CDH12: variants seen among roughly 807,000 people sequenced by gnomAD.
CDH12 encodes the protein cadherin 12.
A neutral mutation model predicts 74.1 loss-of-function variants in CDH12; 41 were observed. The observed-to-expected ratio is 0.55, with a 90% CI of 0.43 to 0.72. CDH12 has a LOEUF of 0.72. Ranked by LOEUF, CDH12 falls within the 30% of genes least tolerant of loss-of-function variation. The pLI is 0.00. For missense variants in CDH12, 945 were observed against 977.2 expected, an observed-to-expected ratio of 0.97 and a Z score of 0.44; for synonymous variants, 399 against 355.0, an observed-to-expected ratio of 1.12 and a Z score of -1.39.
At chr5:22,557,515 G>A (rs13357733) in intron 1 of CDH12, among the ~76,000 whole-genome samples, 22,464 of 151,940 alleles carry the variant, frequency 0.15, 2,285 homozygotes, top group East Asian at 0.36. Flanking sequence ...TAAACCAACA[G>A]ACAGAAGGCG....
intron 6 of CDH12, among the ~76,000 whole-genome samples, chr5:21,912,749 C>G (rs1753913462): frequency 6.6e-6 from 1 of 152,076 alleles, no homozygotes; most frequent in Non-Finnish European, 1.5e-5. Context: ...CAGGTAATTT[C>G]TTTATTGTCA....
intron 2 of CDH12, among the ~76,000 whole-genome samples, chr5:22,475,206 T>C (rs1256871113): frequency 1.3e-5 from 2 of 151,810 alleles, no homozygotes; most frequent in East Asian, 1.9e-4. Flanking sequence ...AAAATGCTTA[T>C]AGCATTTCTA....
chr5:21,815,504 A>G (rs918586123), intron 9 of CDH12, among the ~76,000 whole-genome samples: 11 of 152,222 alleles, frequency 7.2e-5, no homozygotes, highest in African/African-American at 2.4e-4. Context: ...AACAAAAGAC[A>G]AAACTACAGA....
At chr5:22,611,179 A>G (rs1003011510) in intron 1 of CDH12, among the ~76,000 whole-genome samples, 3 of 152,138 alleles carry the variant, frequency 2.0e-5, no homozygotes, top group African/African-American at 7.2e-5. Flanking sequence ...TCTAGATATT[A>G]GTATATGGAG....
intron 3 of CDH12, among the ~76,000 whole-genome samples, chr5:22,309,042 A>C (rs917644674): frequency 2.0e-5 from 3 of 152,160 alleles, no homozygotes; most frequent in African/African-American, 4.8e-5. Context: ...CAATTATGCA[A>C]CAAGACAGAA....
chr5:22,529,072 T>C (rs904571076), intron 1 of CDH12, among the ~76,000 whole-genome samples: 1 of 150,964 alleles, frequency 6.6e-6, no homozygotes, highest in Non-Finnish European at 1.5e-5. Context: ...TATGTATATA[T>C]GCATATATAT....
chr5:21,926,427 C>T (rs1265089863), intron 6 of CDH12, among the ~76,000 whole-genome samples: 2 of 152,266 alleles, frequency 1.3e-5, no homozygotes, highest in East Asian at 1.9e-4. Context: ...TAATTTAGTT[C>T]CTGTCTCTCT....
At chr5:22,843,035 TAG>T (rs556389218) in intron 1 of CDH12, among the ~76,000 whole-genome samples, 8 of 152,220 alleles carry the variant, frequency 5.3e-5, no homozygotes, top group African/African-American at 1.9e-4. Flanking sequence ...CTTATTTTCA[TAG>T]AGTTTGAAAC....
At chr5:22,431,834 A>G (rs1207941790) in intron 2 of CDH12, among the ~76,000 whole-genome samples, 1 of 152,226 alleles carries the variant, frequency 6.6e-6, no homozygotes, top group African/African-American at 2.4e-5. Flanking sequence ...GTGCAGCTGC[A>G]CAACATGTTT....
intron 3 of CDH12, among the ~76,000 whole-genome samples, chr5:22,350,276 A>G (rs894144718): frequency 1.3e-5 from 2 of 152,196 alleles, no homozygotes; most frequent in African/African-American, 4.8e-5. Flanking sequence ...ACTTAATGAT[A>G]TATGTTATTC....
At chr5:22,391,092 G>A (rs576743477) in intron 3 of CDH12, among the ~76,000 whole-genome samples, 1 of 152,250 alleles carries the variant, frequency 6.6e-6, no homozygotes, top group South Asian at 2.1e-4. Context: ...AGCAGAGGAT[G>A]ATGCTCTAAG....
At chr5:21,803,219 T>A (rs1747236725) in intron 9 of CDH12, among the ~76,000 whole-genome samples, 1 of 152,184 alleles carries the variant, frequency 6.6e-6, no homozygotes, top group Non-Finnish European at 1.5e-5. Flanking sequence ...TGTTGTCTTA[T>A]TTTATGGCAT....
intron 1 of CDH12, among the ~76,000 whole-genome samples, chr5:22,629,464 A>T (rs1325842661): frequency 2.0e-5 from 3 of 152,154 alleles, no homozygotes; most frequent in African/African-American, 7.2e-5. Flanking sequence ...AACATATTCA[A>T]ATCTATAAAT....
intron 4 of CDH12, among the ~76,000 whole-genome samples, chr5:22,192,629 A>T (rs1750375374): frequency 6.6e-6 from 1 of 152,130 alleles, no homozygotes; most frequent in Admixed American, 6.5e-5. Flanking sequence ...GCATGTGCCT[A>T]CAAATTATTC....
At chr5:21,884,101 A>C in intron 6 of CDH12, 2 of 1,450,700 alleles carry the variant, frequency 1.4e-6, no homozygotes, top group Non-Finnish European at 1.9e-6. Flanking sequence ...GTTGGTTATG[A>C]TGCTATGGTT....
At chr5:22,441,848 C>T (rs1475739286) in intron 2 of CDH12, among the ~76,000 whole-genome samples, 1 of 151,952 alleles carries the variant, frequency 6.6e-6, no homozygotes, top group Non-Finnish European at 1.5e-5. Context: ...GGATTAAAGG[C>T]GTCTGCCACC....
intron 1 of CDH12, among the ~76,000 whole-genome samples, chr5:22,782,169 A>T (rs1014544538): frequency 1.3e-5 from 2 of 152,120 alleles, no homozygotes; most frequent in Non-Finnish European, 2.9e-5. Context: ...ATGAGTTAAG[A>T]CCTTGGGGGA....
At chr5:21,911,956 A>G (rs187866584) in intron 6 of CDH12, among the ~76,000 whole-genome samples, 4 of 152,280 alleles carry the variant, frequency 2.6e-5, no homozygotes, top group East Asian at 1.9e-4. Flanking sequence ...AAGTATTCCA[A>G]TTTCAAAATC....
At chr5:22,758,031 T>G (rs1746022108) in intron 1 of CDH12, among the ~76,000 whole-genome samples, 1 of 152,176 alleles carries the variant, frequency 6.6e-6, no homozygotes, top group African/African-American at 2.4e-5. Flanking sequence ...TAAATCTGTC[T>G]GCTCTTTAGG....
Sources: gnomAD v4.1 joint callset for allele counts (sites outside exome capture counted in the v4.1 genomes callset) on GRCh38, gnomAD v4.1.1 for gene constraint, MANE v1.5 for transcripts, NCBI Gene and HGNC (gene_info 2026-07-23, HGNC 2026-07-21) for gene names.